The following ADGRL3 variants were observed in gnomAD, a reference collection of about 807,000 sequenced individuals.
The protein encoded by ADGRL3 is calcium-independent alpha-latrotoxin receptor 3.
Under a neutral mutation model 153.5 loss-of-function variants are expected in ADGRL3, and 62 were observed. The observed-to-expected ratio is 0.40, with a 90% CI of 0.33 to 0.50. The LOEUF is 0.50. Ranked by LOEUF, ADGRL3 falls within the 20% of genes least tolerant of loss-of-function variation. The pLI is 0.47. For synonymous variants in ADGRL3, 710 were observed against 672.5 expected, an observed-to-expected ratio of 1.06 and a Z score of -0.86; for missense variants, 1,641 against 1,859.4, an observed-to-expected ratio of 0.88 and a Z score of 2.16.
intron 8 of ADGRL3, among the ~76,000 whole-genome samples, chr4:61,789,450 A>T (rs1038121850): frequency 1.3e-5 from 2 of 152,152 alleles, no homozygotes; most frequent in Non-Finnish European, 2.9e-5. Flanking sequence ...TATTATAATC[A>T]CTTTATGTAA....
intron 21 of ADGRL3, among the ~76,000 whole-genome samples, chr4:62,013,967 T>G (rs74873614): frequency 2.4e-4 from 37 of 152,190 alleles, no homozygotes; most frequent in African/African-American, 5.3e-4. Context: ...GTGTGTGTGT[T>G]TTTTTCAAAT....
intron 2 of ADGRL3, among the ~76,000 whole-genome samples, chr4:61,403,602 C>T (rs2096957228): frequency 6.6e-6 from 1 of 152,036 alleles, no homozygotes; most frequent in African/African-American, 2.4e-5. Flanking sequence ...ACTGGTAATT[C>T]AGTAATCAAC....
At chr4:61,525,803 T>A (rs1451955573) in intron 4 of ADGRL3, among the ~76,000 whole-genome samples, 52 of 152,070 alleles carry the variant, frequency 3.4e-4, no homozygotes, top group Non-Finnish European at 5.9e-5. Context: ...AAAATTAGGA[T>A]GTCAAGAGGG....
chr4:61,566,795 A>G (rs1282937081), intron 4 of ADGRL3, among the ~76,000 whole-genome samples: 1 of 152,134 alleles, frequency 6.6e-6, no homozygotes, highest in Non-Finnish European at 1.5e-5. Flanking sequence ...GAATATGCTT[A>G]TGTAGTTTTA....
rs189937603 is a variant in ADGRL3 at position 61,555,830 on chromosome 4, G to C, written c.260-31397G>C. 4.5e-3 allele frequency among the ~76,000 whole-genome samples: 687 copies of C among 152,302 alleles called. 2 individuals are homozygous for C. The highest frequency in any genetic ancestry group is 6.9e-3 in the Non-Finnish European group (469 of 68,034). The stretch of plus-strand genomic sequence containing the variant: ...TTTAGACCATATAGGGTAACTTCCT[G>C]ATGTTGCCATGGCATCTGTAAACTA... On this transcript the variant is annotated intron_variant, in intron 4 of 26. Transcript: ENST00000683033.
chr4:61,389,300 G>A (rs764174651), intron 2 of ADGRL3, among the ~76,000 whole-genome samples: 1 of 152,334 alleles, frequency 6.6e-6, no homozygotes, highest in Non-Finnish European at 1.5e-5. Flanking sequence ...TTGCATTTGA[G>A]TAGTGAGAGA....
In ADGRL3 at chr4:61,548,292, G is replaced by A. The variant is rs10023159; in HGVS notation, c.259+30774G>A. Among the ~76,000 whole-genome samples, 128 of 151,832 alleles carry A rather than the reference G, an allele frequency of 8.4e-4. 1 individual carries two copies. The East Asian group carries it at 0.022, about 26-fold the overall frequency. On this transcript the variant is annotated intron_variant, in intron 4 of 26. Coordinates refer to ENST00000683033, the MANE Select transcript of ADGRL3 (RefSeq NM_001387552.1). ...GAAGCTCTTTAGTTTAATTAGGTAC[G>A]ATTTGTCAATTTTTGTTGTTGTTGC...
At chr4:61,428,933 CTATCT>C (rs2097321800) in intron 2 of ADGRL3, among the ~76,000 whole-genome samples, 1 of 150,030 alleles carries the variant, frequency 6.7e-6, no homozygotes, top group South Asian at 2.1e-4. Flanking sequence ...ATCTATCTAT[CTATCT>C]ATCTGTCATT....
chr4:61,881,569 G>C (rs2098508800), intron 9 of ADGRL3, among the ~76,000 whole-genome samples: 1 of 152,120 alleles, frequency 6.6e-6, no homozygotes, highest in African/African-American at 2.4e-5. Flanking sequence ...GTAGAGACGG[G>C]GTTTCCCCAT....
At chr4:61,303,223 C>T (rs970281371) in intron 1 of ADGRL3, among the ~76,000 whole-genome samples, 2 of 152,140 alleles carry the variant, frequency 1.3e-5, no homozygotes, top group Non-Finnish European at 2.9e-5. Flanking sequence ...GATACAATGC[C>T]TACTTTGAAA....
At chr4:61,307,185 C>G (rs774409248) in intron 1 of ADGRL3, among the ~76,000 whole-genome samples, 1 of 152,012 alleles carries the variant, frequency 6.6e-6, no homozygotes, top group East Asian at 1.9e-4. Context: ...ACAGTTTTCC[C>G]GATTACTTTT....
rs575830232 is a variant in ADGRL3, at chr4:61,203,366, C to A, written c.-240+1601C>A. Among the ~76,000 whole-genome samples, 229 of 152,302 alleles carry A rather than the reference C, an allele frequency of 1.5e-3. 2 individuals carry two copies. Among genetic ancestry groups the A allele is most frequent in the African/African-American group, 5.2e-3 (218 of 41,566 alleles). ...CACATTGTAAACAACGGTGTAAGCA[C>A]TCCTGCCACAGTCTCCTTTAGAGTC... On this transcript the variant is annotated intron_variant, in intron 1 of 26. Transcript: ENST00000683033.
At chr4:61,283,267 A>G (rs1438289066) in intron 1 of ADGRL3, among the ~76,000 whole-genome samples, 2 of 152,044 alleles carry the variant, frequency 1.3e-5, no homozygotes, top group African/African-American at 4.8e-5. Context: ...CAAGTAACAA[A>G]TGTTTAACTC....
intron 5 of ADGRL3, among the ~76,000 whole-genome samples, chr4:61,667,535 T>C (rs1420863859): frequency 6.6e-6 from 1 of 152,178 alleles, no homozygotes; most frequent in African/African-American, 2.4e-5. Flanking sequence ...GAAACATTAA[T>C]TTAATATAAA....
chr4:61,746,318 G>C (rs769299480), intron 8 of ADGRL3, among the ~76,000 whole-genome samples: 5 of 151,020 alleles, frequency 3.3e-5, no homozygotes, highest in Admixed American at 6.6e-5. Context: ...AGTTAAAAAG[G>C]ATACCCAGGA....
At chr4:61,712,262 G>C (rs1473372125) in intron 6 of ADGRL3, among the ~76,000 whole-genome samples, 1 of 152,010 alleles carries the variant, frequency 6.6e-6, no homozygotes, top group East Asian at 1.9e-4. Context: ...GCACAGTAGT[G>C]TATGCCTGTA....
intron 2 of ADGRL3, among the ~76,000 whole-genome samples, chr4:61,492,365 A>G (rs1168119963): frequency 2.0e-5 from 3 of 152,120 alleles, no homozygotes; most frequent in African/African-American, 7.2e-5. Context: ...TGATATTATG[A>G]TGGAAAAGGT....
chr4:61,481,130 A>C (rs1251077550), intron 2 of ADGRL3, among the ~76,000 whole-genome samples: 1 of 152,216 alleles, frequency 6.6e-6, no homozygotes, highest in Non-Finnish European at 1.5e-5. Context: ...GCAATGACCT[A>C]ATTAATACAA....
At chr4:61,556,075 A>G (rs2098764934) in intron 4 of ADGRL3, among the ~76,000 whole-genome samples, 2 of 152,172 alleles carry the variant, frequency 1.3e-5, no homozygotes, top group South Asian at 2.1e-4. Context: ...TTATTTGTCC[A>G]GCTCCTATTC....
Sources: allele counts gnomAD v4.1 joint callset (sites outside exome capture counted in the v4.1 genomes callset), GRCh38; gene constraint gnomAD v4.1.1; transcripts MANE v1.5; gene names NCBI Gene and HGNC (gene_info 2026-07-23, HGNC 2026-07-21).